The following SH3BP2 variants were observed in gnomAD, a reference collection of about 807,000 sequenced individuals.
The protein encoded by SH3BP2 is SH3 domain-binding protein 2.
Under a neutral mutation model 56.2 loss-of-function variants are expected in SH3BP2, and 38 were observed. That is an observed-to-expected ratio of 0.68 (90% CI 0.52 to 0.89). The LOEUF is 0.89. SH3BP2 is among the 40% of genes least tolerant of loss of function. The probability of loss-of-function intolerance (pLI) is 0.00; values close to 1 mark genes in which losing one functional copy is unlikely to be tolerated. For missense variants in SH3BP2, 748 were observed against 762.6 expected (o/e 0.98, Z 0.23); for synonymous variants, 346 against 316.7 (o/e 1.09, Z -0.98).
intron 2 of SH3BP2, among the ~76,000 whole-genome samples, chr4:2,821,293 A>G (rs1724291895): frequency 6.6e-6 from 1 of 152,220 alleles, no homozygotes; most frequent in Admixed American, 6.5e-5. Flanking sequence ...TTGCAGTAGC[A>G]GTGCCCTCTG....
chr4:2,803,058 C>T (rs1723376241), intron 1 of SH3BP2, among the ~76,000 whole-genome samples: 2 of 152,200 alleles, frequency 1.3e-5, no homozygotes, highest in Admixed American at 1.3e-4. Flanking sequence ...TGGTTTTGTG[C>T]GGTCCAAGGG....
At position 2,827,486 on chromosome 4, in the gene SH3BP2, C is replaced by T. The variant is rs111393185; in HGVS notation, c.518-120C>T. 4.5e-4 allele frequency: 543 copies of T among 1,216,858 alleles called. 1 individual carries two copies. In the African/African-American group the frequency reaches 6.3e-3, roughly 14 times the overall value. 75.4% of individuals were successfully genotyped at this position (1,216,858 alleles called of 1,614,324 possible). ...GGCCTTCAGCGGCAGGGTCTGGACT[C>T]ACAGTCCTCCCAGCAGGTGCTTGCC... On this transcript the variant is annotated intron_variant, in intron 6 of 12. Coordinates refer to ENST00000503393, the MANE Select transcript of SH3BP2 (RefSeq NM_001122681.2).
At position 2,832,388 on chromosome 4, in the gene SH3BP2, G is replaced by T. The variant is rs144848283; in HGVS notation, c.1464G>T (p.Arg488=). The change falls in exon 11 of 13, where the codon CGG becomes CGT. Residue 488 remains arginine, a synonymous_variant. Transcript: ENST00000503393. The part of the protein sequence containing the change: ...GEPQDGLYCI[R]NSSTKSGKVL... Reference sequence around the variant, plus strand: ...CCCAGGATGGACTCTACTGCATCCGGAACTCCTCTACCAAGTCGGGGAAGG... The same window carrying T: ...CCCAGGATGGACTCTACTGCATCCGTAACTCCTCTACCAAGTCGGGGAAGG... 26 of 1,614,104 alleles carry T rather than the reference G, an allele frequency of 1.6e-5. No homozygotes were observed. The African/African-American group carries it at 3.2e-4, about 20-fold the overall frequency.
intron 1 of SH3BP2, among the ~76,000 whole-genome samples, chr4:2,809,329 C>G (rs1250389458): frequency 6.7e-6 from 1 of 149,564 alleles, no homozygotes; most frequent in African/African-American, 2.5e-5. Flanking sequence ...TCCCTGGGCT[C>G]ATTACCCACC....
In SH3BP2 at chr4:2,831,768, C is replaced by T. The variant is rs530707121; in HGVS notation, c.1350+89C>T. ...TAGGCCAGGGCGGCCCCTCACAGAC[C>T]GTCCTGAGCAAGGACCCCCCGAGAA... On this transcript the variant is annotated intron_variant, in intron 9 of 12. Coordinates refer to ENST00000503393, the MANE Select transcript of SH3BP2 (RefSeq NM_001122681.2). This position sits in a 1 kb window ranked among gnomAD's most constrained non-coding sequence, Gnocchi z 4.1. 243 of 1,367,186 alleles carry T rather than the reference C, an allele frequency of 1.8e-4. No homozygotes were observed. The highest frequency in any genetic ancestry group is 2.7e-4 in the Admixed American group (14 of 51,280). 84.7% of individuals were successfully genotyped at this position (1,367,186 alleles called of 1,614,324 possible). A position where few individuals can be genotyped will look rare whatever the true frequency, so the allele number is the denominator to read the frequency against.
intron 11 of SH3BP2, 130 bp from the exon 12 acceptor site, chr4:2,832,860 C>T: frequency 1.1e-6 from 1 of 916,026 alleles, no homozygotes; most frequent in Non-Finnish European, 1.8e-6. Context: ...GTCTGGAGTC[C>T]CTCCCCGCCC....
chr4:2,801,121 C>G (rs1250913631), intron 1 of SH3BP2, among the ~76,000 whole-genome samples: 1 of 152,166 alleles, frequency 6.6e-6, no homozygotes, highest in Non-Finnish European at 1.5e-5. Context: ...CGCGGAGGAC[C>G]GGGGCCCAGA....
chr4:2,820,145 C>T (rs1218497647), intron 1 of SH3BP2, among the ~76,000 whole-genome samples: 1 of 152,178 alleles, frequency 6.6e-6, no homozygotes, highest in Non-Finnish European at 1.5e-5. Context: ...GAGCCCAGGT[C>T]GTTTGAGCTG....
rs1725362247 is a variant in SH3BP2, at chr4:2,839,922, G to A, written c.*6088G>A. On this transcript the variant is annotated 3_prime_UTR_variant, in exon 13 of 13. Coordinates refer to ENST00000503393, the MANE Select transcript of SH3BP2 (RefSeq NM_001122681.2). ...GTTTTCATTTTGGTTAGTGCTTTTTGTGGCTTAAGAAATTCTTTCCAGGCT... is the reference window on the plus strand; with the variant it reads ...GTTTTCATTTTGGTTAGTGCTTTTTATGGCTTAAGAAATTCTTTCCAGGCT... 2 of 151,808 alleles carry A rather than the reference G, an allele frequency of 1.3e-5. No homozygotes were observed. Among genetic ancestry groups the A allele is most frequent in the Non-Finnish European group, 2.9e-5 (2 of 68,008 alleles). The allele number at this position is 151,808 out of a possible 1,614,324, so 9.4% of individuals were successfully genotyped here.
In SH3BP2 at chr4:2,829,759, A is replaced by G. The variant is rs1358438401; in HGVS notation, c.853A>G (p.Met285Val). ...GATGAGCGATCCCCCTCTGAGCACC[A>G]TGCCCACCGCACCCGGCCTCCGGAA... The part of the protein sequence containing the change: ...RRMSDPPLST[M>V]PTAPGLRKPP... The change falls in exon 8 of 13, where the codon ATG becomes GTG. Residue 285 changes from methionine (M) to valine (V), a missense_variant. Met to Val is a conservative substitution (Grantham distance 21). This residue lies in a region of SH3BP2 where 635 missense variants were observed against 615.0 expected (regional missense o/e 1.03). Coordinates refer to ENST00000503393, the MANE Select transcript of SH3BP2 (RefSeq NM_001122681.2). This position sits in a 1 kb window ranked among gnomAD's most constrained non-coding sequence, Gnocchi z 4.9. The G allele has an allele frequency of 5.0e-6, 8 of 1,612,700 alleles. No homozygotes were observed. Among genetic ancestry groups the G allele is most frequent in the African/African-American group, 2.7e-5 (2 of 74,762 alleles).
At chr4:2,806,326 G>A (rs1356413150) in intron 1 of SH3BP2, among the ~76,000 whole-genome samples, 1 of 152,192 alleles carries the variant, frequency 6.6e-6, no homozygotes, top group African/African-American at 2.4e-5. Context: ...GGAGAGGCGA[G>A]GCAGGGTGGG....
In SH3BP2 at chr4:2,825,205, G is replaced by C. The variant is rs113416255; in HGVS notation, c.428+9G>C. 1.3e-6 allele frequency: 2 copies of C among 1,570,996 alleles called. No homozygotes were observed. The highest frequency in any genetic ancestry group is 1.9e-5 in the Admixed American group (1 of 54,042). On this transcript the variant is annotated intron_variant, in intron 5 of 12. Transcript: ENST00000503393. ...CTGCCCTTGGACACCAGGTGAGCCC[G>C]GGCCCAGGGCATACCGGGCAGTGAG... is the stretch of plus-strand genomic sequence containing the variant.
rs775926639 is a variant in SH3BP2, at chr4:2,829,512, G to A, written c.606G>A (p.Pro202=). The change falls in exon 8 of 13, where the codon CCG becomes CCA. Residue 202 remains proline (P), a synonymous_variant. Transcript: ENST00000503393. The surrounding 1 kb of genome is among the most constrained non-coding windows in gnomAD (Gnocchi z 4.9). ...GRLEDALMHP[P]AYPPPPVPTP... is the part of the protein sequence containing the mutation. The stretch of plus-strand genomic sequence containing the variant: ...CTGCAGATGCCCTGATGCACCCACC[G>A]GCTTACCCACCACCCCCAGTGCCCA... 48 of 1,613,434 alleles carry A rather than the reference G, an allele frequency of 3.0e-5. No homozygotes were observed. The Admixed American group carries it at 5.7e-4, about 19-fold the overall frequency.
At chr4:2,832,254 T>C in intron 10 of SH3BP2, 77 bp from the exon 11 acceptor site, 4 of 1,277,800 alleles carry the variant, frequency 3.1e-6, no homozygotes, top group Non-Finnish European at 4.6e-6. Flanking sequence ...AAAGCCAGGC[T>C]TGGGAGCGGG....
intron 3 of SH3BP2, 105 bp from the exon 4 acceptor site, chr4:2,824,508 T>G: frequency 1.2e-6 from 1 of 854,360 alleles, no homozygotes; most frequent in Non-Finnish European, 2.0e-6. Flanking sequence ...CCCTCTTCCG[T>G]TGGGGCGTGG....
chr4:2,823,457 T>C, intron 3 of SH3BP2: 1 of 458,590 alleles, frequency 2.2e-6, no homozygotes, highest in Non-Finnish European at 4.4e-6. Context: ...TAGGATTCCC[T>C]GCTCCAGGGT....
chr4:2,828,540 C>T (rs144468772), intron 7 of SH3BP2, among the ~76,000 whole-genome samples: 1 of 152,340 alleles, frequency 6.6e-6, no homozygotes, highest in Non-Finnish European at 1.5e-5. Context: ...GCTCTTGTCT[C>T]ACAGTGTTCA....
At chr4:2,819,710 G>A (rs2108724764) in intron 1 of SH3BP2, among the ~76,000 whole-genome samples, 1 of 140,104 alleles carries the variant, frequency 7.1e-6, no homozygotes, top group South Asian at 2.5e-4. Context: ...GGGCAATGAG[G>A]GTGCCTAGCA....
chr4:2,813,339 T>TGGC (rs1723846372), intron 1 of SH3BP2, among the ~76,000 whole-genome samples: 1 of 151,486 alleles, frequency 6.6e-6, no homozygotes, highest in Non-Finnish European at 1.5e-5. Flanking sequence ...GCCAAGTTTC[T>TGGC]TCGTCAGTGA....
Sources: allele counts gnomAD v4.1 joint callset (sites outside exome capture counted in the v4.1 genomes callset), GRCh38; gene constraint gnomAD v4.1.1; regional missense constraint gnomAD v4.1.1; non-coding constraint Gnocchi (gnomAD v3.1); transcripts MANE v1.5; gene names NCBI Gene and HGNC (gene_info 2026-07-23, HGNC 2026-07-21).